The following FRMD4B variants were observed in gnomAD, a reference collection of about 807,000 sequenced individuals.
The protein encoded by FRMD4B is FERM domain-containing protein 4B.
FRMD4B carries 74 observed loss-of-function variants against 141.5 expected under a neutral mutation model. That is an observed-to-expected ratio of 0.52 (90% CI 0.43 to 0.63). The LOEUF (loss-of-function observed/expected upper bound fraction) is 0.63. Ranked by LOEUF, FRMD4B falls within the 30% of genes least tolerant of loss-of-function variation. The pLI is 0.00. For synonymous variants in FRMD4B, 506 were observed against 467.9 expected, an observed-to-expected ratio of 1.08 and a Z score of -1.05; for missense variants, 1,366 against 1,253.4, an observed-to-expected ratio of 1.09 and a Z score of -1.36.
At chr3:69,439,061 A>ATG (rs5849901) in intron 1 of FRMD4B, among the ~76,000 whole-genome samples, 27 of 150,458 alleles carry the variant, frequency 1.8e-4, no homozygotes, top group East Asian at 3.9e-4. Flanking sequence ...GTGTGTGTGT[A>ATG]TGTGTGTGTG....
chr3:69,355,510 C>G (rs914914315), intron 1 of FRMD4B, among the ~76,000 whole-genome samples: 2 of 152,106 alleles, frequency 1.3e-5, no homozygotes, highest in Admixed American at 1.3e-4. Context: ...ACTAGTGGGA[C>G]ATTTCTGATT....
intron 5 of FRMD4B, among the ~76,000 whole-genome samples, chr3:69,255,785 C>CTCTCTCT (rs1247985344): frequency 6.6e-6 from 1 of 152,134 alleles, no homozygotes; most frequent in African/African-American, 2.4e-5. Context: ...AGAAAGTTCT[C>CTCTCTCT]TCTCTCTTTC....
intron 1 of FRMD4B, among the ~76,000 whole-genome samples, chr3:69,462,169 T>C (rs185939909): frequency 5.9e-5 from 9 of 152,146 alleles, no homozygotes; most frequent in African/African-American, 2.2e-4. Flanking sequence ...TGCCAAAACA[T>C]GGTGTCTTCG....
intron 5 of FRMD4B, among the ~76,000 whole-genome samples, chr3:69,259,655 TGATAG>T (rs1371756969): frequency 3.3e-5 from 5 of 152,254 alleles, no homozygotes; most frequent in Non-Finnish European, 7.3e-5. Flanking sequence ...TGTCAATATC[TGATAG>T]GATAAGTGCT....
At chr3:69,301,344 A>G (rs1701213249) in intron 4 of FRMD4B, among the ~76,000 whole-genome samples, 1 of 151,748 alleles carries the variant, frequency 6.6e-6, no homozygotes, top group South Asian at 2.1e-4. Flanking sequence ...TGTTTTGTTT[A>G]TGAGATGGAG....
intron 1 of FRMD4B, among the ~76,000 whole-genome samples, chr3:69,506,776 T>A (rs1365132901): frequency 6.6e-6 from 1 of 151,884 alleles, no homozygotes; most frequent in Non-Finnish European, 1.5e-5. Flanking sequence ...ACTCCTGAAC[T>A]CAAACAATTC....
At chr3:69,461,677 A>C (rs58802539) in intron 1 of FRMD4B, among the ~76,000 whole-genome samples, 3,413 of 151,578 alleles carry the variant, frequency 0.023, 101 homozygotes, top group East Asian at 0.079. Context: ...TTAAAACAAA[A>C]AGTGAAATTA....
At chr3:69,318,872 A>G (rs1701894333) in intron 1 of FRMD4B, among the ~76,000 whole-genome samples, 1 of 152,206 alleles carries the variant, frequency 6.6e-6, no homozygotes, top group Admixed American at 6.5e-5. Flanking sequence ...TGGCAAGGGC[A>G]GGGCAGAGTA....
intron 7 of FRMD4B, among the ~76,000 whole-genome samples, chr3:69,244,912 A>T (rs796350066): frequency 5.2e-4 from 79 of 152,302 alleles, no homozygotes; most frequent in African/African-American, 1.8e-3. Flanking sequence ...AGCATTATTT[A>T]TATTAGCTTT....
chr3:69,353,660 C>T (rs1482653150), intron 1 of FRMD4B: 19 of 983,536 alleles, frequency 1.9e-5, no homozygotes, highest in East Asian at 1.1e-4. Context: ...CGTGTGTGTG[C>T]GCGCATGTGC....
chr3:69,466,727 C>T (rs571650037), intron 1 of FRMD4B, among the ~76,000 whole-genome samples: 1 of 152,262 alleles, frequency 6.6e-6, no homozygotes, highest in African/African-American at 2.4e-5. Context: ...GAGACAGGAT[C>T]ACTCTGTCAC....
At chr3:69,285,072 A>G (rs536396396) in intron 5 of FRMD4B, among the ~76,000 whole-genome samples, 1 of 152,240 alleles carries the variant, frequency 6.6e-6, no homozygotes, top group Admixed American at 6.5e-5. Flanking sequence ...CTGAGGCAGG[A>G]GAATCACTTC....
chr3:69,417,649 G>A (rs1006629651), intron 2 of FRMD4B, among the ~76,000 whole-genome samples: 1 of 152,122 alleles, frequency 6.6e-6, no homozygotes, highest in Non-Finnish European at 1.5e-5. Flanking sequence ...TATTGCCTAG[G>A]GCAAACCTGA....
Position 69,455,289 on chromosome 3 carries a change from T to C in FRMD4B, c.-128-22528A>G, listed in dbSNP as rs141700650. Among the ~76,000 whole-genome samples the C allele has an allele frequency of 5.9e-5, 9 of 152,354 alleles. No individual in the cohort carries two copies. In the East Asian group the frequency reaches 1.7e-3, roughly 29 times the overall value. On this transcript the variant is annotated intron_variant, in intron 1 of 5. Transcript: ENST00000459638. Reference sequence around the variant, plus strand: ...CAGCAGTGATAGGTTCAGGTCTGTTTACATAATGTGGGAGGTTTGTTCTTT... The same window carrying C: ...CAGCAGTGATAGGTTCAGGTCTGTTCACATAATGTGGGAGGTTTGTTCTTT...
At position 69,181,366 on chromosome 3, in the gene FRMD4B, T is replaced by C. The variant is rs2092706094; in HGVS notation, c.2384A>G (p.Lys795Arg). ...ACTGGAAGACGGTGGCTCCTGACTC[T>C]TTGAGTAAACACCATTCCTCAAACT... ...KDSLRNGVYS[K>R]SQEPPSSSYY... The change falls in exon 21 of 23, where the codon AAG (lysine) becomes AGG (arginine). Residue 795 changes from lysine (K) to arginine (R), a missense_variant. Transcript: ENST00000398540. 6.2e-7 allele frequency: 1 copy of C among 1,613,910 alleles called. No individual in the cohort carries two copies. The highest frequency in any genetic ancestry group is 8.5e-7 in the Non-Finnish European group (1 of 1,179,818).
chr3:69,257,017 C>A (rs1338957172), intron 5 of FRMD4B, among the ~76,000 whole-genome samples: 1 of 152,152 alleles, frequency 6.6e-6, no homozygotes, highest in South Asian at 2.1e-4. Context: ...TAGGCAGCAT[C>A]CCTGGCCTCT....
intron 1 of FRMD4B, among the ~76,000 whole-genome samples, chr3:69,470,925 T>C (rs570034090): frequency 6.6e-6 from 1 of 152,310 alleles, no homozygotes; most frequent in Non-Finnish European, 1.5e-5. Context: ...CCGACAGGCT[T>C]GAAACAATAG....
Position 69,415,325 on chromosome 3 carries a change from CAG to C in FRMD4B, c.-1+17307_-1+17308del, listed in dbSNP as rs141342802. On this transcript the variant is annotated intron_variant, in intron 2 of 5. Coordinates refer to the FRMD4B transcript ENST00000459638. ...CTGGGCACCCACCTCTAAAAGGATG[CAG>C]AGTCACAAGATACTATGGATTGGGG... 8.9e-3 allele frequency among the ~76,000 whole-genome samples: 1,355 copies of C among 152,312 alleles called. 22 individuals are homozygous for C. The highest frequency in any genetic ancestry group is 0.031 in the African/African-American group (1,275 of 41,566).
At chr3:69,300,368 A>C (rs575147713) in intron 4 of FRMD4B, among the ~76,000 whole-genome samples, 4 of 152,346 alleles carry the variant, frequency 2.6e-5, no homozygotes, top group Admixed American at 2.6e-4. Context: ...GCAAGTAGTT[A>C]GGGGAAAGTA....
Sources: gnomAD v4.1 joint callset for allele counts (sites outside exome capture counted in the v4.1 genomes callset) on GRCh38, gnomAD v4.1.1 for gene constraint, MANE v1.5 for transcripts, NCBI Gene and HGNC (gene_info 2026-07-23, HGNC 2026-07-21) for gene names.